PAPPA: variants seen among roughly 807,000 people sequenced by gnomAD.
The protein encoded by PAPPA is pappalysin 1.
PAPPA carries 60 observed loss-of-function variants against 164.0 expected under a neutral mutation model. The observed-to-expected ratio is 0.37, with a 90% CI of 0.30 to 0.45. The LOEUF is 0.45. PAPPA is among the 20% of genes least tolerant of loss of function. The pLI is 1.00. For missense variants in PAPPA, 1,782 were observed against 2,087.3 expected (o/e 0.85, Z 2.85); for synonymous variants, 875 against 814.1 (o/e 1.07, Z -1.27).
intron 7 of PAPPA, among the ~76,000 whole-genome samples, chr9:116,240,400 A>C (rs527428765): frequency 6.6e-6 from 1 of 152,346 alleles, no homozygotes; most frequent in South Asian, 2.1e-4. Flanking sequence ...GTCTAAACTT[A>C]GAACTAGAAT....
At chr9:116,193,871 A>G (rs1844072711) in intron 2 of PAPPA, among the ~76,000 whole-genome samples, 1 of 152,214 alleles carries the variant, frequency 6.6e-6, no homozygotes, top group African/African-American at 2.4e-5. Flanking sequence ...GGCTTCCATG[A>G]GCTCTGAGAA....
At chr9:116,233,030 G>A (rs755327225) in intron 6 of PAPPA, among the ~76,000 whole-genome samples, 1 of 152,188 alleles carries the variant, frequency 6.6e-6, no homozygotes, top group Non-Finnish European at 1.5e-5. Flanking sequence ...GAAAGCCCAT[G>A]GAGGGGTGGA....
intron 18 of PAPPA, among the ~76,000 whole-genome samples, chr9:116,365,473 G>A (rs964724950): frequency 1.3e-5 from 2 of 152,106 alleles, no homozygotes; most frequent in African/African-American, 4.8e-5. Context: ...GGAGAGCCTG[G>A]GGGAGGGAGA....
chr9:116,339,550 A>G (rs2118966036), intron 13 of PAPPA, among the ~76,000 whole-genome samples: 1 of 152,286 alleles, frequency 6.6e-6, no homozygotes, highest in East Asian at 1.9e-4. Context: ...TAGCTCTTTC[A>G]CTGTTTCACT....
At chr9:116,231,180 T>C (rs972256374) in intron 6 of PAPPA, among the ~76,000 whole-genome samples, 2 of 152,156 alleles carry the variant, frequency 1.3e-5, no homozygotes, top group Non-Finnish European at 2.9e-5. Flanking sequence ...ATATATGACC[T>C]TATTTCTAGT....
At chr9:116,254,565 A>G (rs774605630) in intron 7 of PAPPA, among the ~76,000 whole-genome samples, 77 of 152,168 alleles carry the variant, frequency 5.1e-4, no homozygotes, top group Admixed American at 1.0e-3. Flanking sequence ...GGCGGATCAC[A>G]AGGTCAGGAG....
Position 116,154,640 on chromosome 9 carries a change from T to C in PAPPA, c.415+53T>C. ...GCACCGTCCCTGCGGCCCCAGAGGC[T>C]CGCGGGTGTCTGGGCGCGGGTGGCG... On this transcript the variant is annotated intron_variant, in intron 1 of 21. Transcript: ENST00000328252. The surrounding 1 kb of genome is among the most constrained non-coding windows in gnomAD (Gnocchi z 5.2). 7.8e-7 allele frequency: 1 copy of C among 1,274,734 alleles called. No individual in the cohort carries two copies. Among genetic ancestry groups the C allele is most frequent in the Non-Finnish European group, 9.9e-7 (1 of 1,009,566 alleles). 79.0% of individuals were successfully genotyped at this position (1,274,734 alleles called of 1,614,324 possible). A position where few individuals can be genotyped will look rare whatever the true frequency, so the allele number is the denominator to read the frequency against.
Position 116,187,601 on chromosome 9 carries a change from A to G in PAPPA, c.863A>G (p.Glu288Gly), listed in dbSNP as rs746147267. 6.2e-7 allele frequency: 1 copy of G among 1,614,222 alleles called. No homozygotes were observed. The highest frequency in any genetic ancestry group is 8.5e-7 in the Non-Finnish European group (1 of 1,180,036). The change falls in exon 2 of 22, where the codon GAG (glutamate) becomes GGG (glycine). Residue 288 changes from glutamate to glycine, a missense_variant. This residue lies in a region of PAPPA where 458 missense variants were observed against 430.3 expected (regional missense o/e 1.06). Transcript: ENST00000328252. This position sits in a 1 kb window ranked among gnomAD's most constrained non-coding sequence, Gnocchi z 4.2. ...GCTCTACCTCAGCTCCTCCTCCAGG[A>G]GAACTGGGACAATGTGAAGCATGCC... ...HTALPQLLLQ[E>G]NWDNVKHAWS...
chr9:116,193,599 A>G (rs1587946195), intron 2 of PAPPA, among the ~76,000 whole-genome samples: 1 of 151,984 alleles, frequency 6.6e-6, no homozygotes, highest in African/African-American at 2.4e-5. Flanking sequence ...TGCTTTTTCA[A>G]CTACACCCTA....
At chr9:116,246,422 A>C (rs1844797599) in intron 7 of PAPPA, among the ~76,000 whole-genome samples, 1 of 152,218 alleles carries the variant, frequency 6.6e-6, no homozygotes, top group Non-Finnish European at 1.5e-5. Context: ...AGTGCTTTAA[A>C]AAATTTTTCT....
At chr9:116,369,200 A>G (rs1846540508) in intron 19 of PAPPA, among the ~76,000 whole-genome samples, 1 of 151,436 alleles carries the variant, frequency 6.6e-6, no homozygotes, top group Non-Finnish European at 1.5e-5. Context: ...AGACAGCCCT[A>G]TTTCCCAAAC....
chr9:116,247,519 G>T (rs1193963091), intron 7 of PAPPA, among the ~76,000 whole-genome samples: 1 of 152,116 alleles, frequency 6.6e-6, no homozygotes, highest in Non-Finnish European at 1.5e-5. Context: ...CTACTACTTT[G>T]TTATTTTCTG....
chr9:116,347,234 C>T lies in PAPPA; in HGVS notation c.3964+25C>T. On this transcript the variant is annotated intron_variant, in intron 15 of 21. Transcript: ENST00000328252. The surrounding 1 kb of genome is among the most constrained non-coding windows in gnomAD (Gnocchi z 4.5). ...GGTATCAAGAACGCCTTCCCCAGCT[C>T]AGCCTTCCTTTGTCTATGGGAAACC... is the stretch of plus-strand genomic sequence containing the variant. 1.3e-6 allele frequency: 2 copies of T among 1,582,694 alleles called. No individual in the cohort carries two copies. Among genetic ancestry groups the T allele is most frequent in the East Asian group, 2.3e-5 (1 of 44,220 alleles).
intron 1 of PAPPA, among the ~76,000 whole-genome samples, chr9:116,177,607 G>A (rs1843852276): frequency 6.6e-6 from 1 of 152,216 alleles, no homozygotes; most frequent in Non-Finnish European, 1.5e-5. Context: ...CTGCCATGCA[G>A]GGTATGACAG....
At chr9:116,224,669 C>A (rs1018906037) in intron 5 of PAPPA, among the ~76,000 whole-genome samples, 2 of 152,104 alleles carry the variant, frequency 1.3e-5, no homozygotes, top group African/African-American at 4.8e-5. Flanking sequence ...TAGCCATTAG[C>A]CAACTGGGGC....
Position 116,396,925 on chromosome 9 carries a change from T to C in PAPPA, c.*309T>C, listed in dbSNP as rs918102887. 5 of 389,898 alleles carry C rather than the reference T, an allele frequency of 1.3e-5. No homozygotes were observed. The highest frequency in any genetic ancestry group is 2.3e-5 in the Non-Finnish European group (5 of 212,844). 24.2% of individuals were successfully genotyped at this position (389,898 alleles called of 1,614,324 possible). ...CAACCACAGCAAGAAACGTGTTCTA[T>C]ATCTAGAGTGTGCCCATCTGTGTTT... On this transcript the variant is annotated 3_prime_UTR_variant, in exon 22 of 22. Coordinates refer to ENST00000328252, the MANE Select transcript of PAPPA (RefSeq NM_002581.5).
intron 7 of PAPPA, among the ~76,000 whole-genome samples, chr9:116,257,575 G>A (rs887784068): frequency 6.6e-5 from 10 of 151,856 alleles, no homozygotes; most frequent in African/African-American, 2.4e-4. Flanking sequence ...GGTGGCGGGC[G>A]CCTGTAGTCC....
intron 19 of PAPPA, among the ~76,000 whole-genome samples, chr9:116,371,948 G>T (rs1256106404): frequency 1.3e-5 from 2 of 152,012 alleles, no homozygotes; most frequent in Non-Finnish European, 2.9e-5. Flanking sequence ...ACTACGAATT[G>T]GTTTTGCTTA....
At position 116,235,373 on chromosome 9, in the gene PAPPA, G is replaced by C; in HGVS notation, c.2468G>C (p.Gly823Ala). The C allele has an allele frequency of 6.2e-7, 1 of 1,614,000 alleles. No individual in the cohort carries two copies. Among genetic ancestry groups the C allele is most frequent in the Non-Finnish European group, 8.5e-7 (1 of 1,179,990 alleles). ...VNDIKLLAVS[G>A]KNISLGPQNV... ...GACATCAAACTGTTGGCTGTCAGTG[G>C]GAAGAACATCTCCCTGGGTCCTCAG... The change falls in exon 7 of 22, where the codon GGG becomes GCG. Residue 823 changes from glycine (G) to alanine (A), a missense_variant. Physicochemically the swap from Gly to Ala is moderately conservative, Grantham distance 60. This residue lies in a region of PAPPA where 1,324 missense variants were observed against 1,656.9 expected (regional missense o/e 0.80). Coordinates refer to ENST00000328252, the MANE Select transcript of PAPPA (RefSeq NM_002581.5).
Sources: allele counts gnomAD v4.1 joint callset (sites outside exome capture counted in the v4.1 genomes callset), GRCh38; gene constraint gnomAD v4.1.1; regional missense constraint gnomAD v4.1.1; non-coding constraint Gnocchi (gnomAD v3.1); transcripts MANE v1.5; gene names NCBI Gene and HGNC (gene_info 2026-07-23, HGNC 2026-07-21).